Variants in SIRT5 observed in about 807,000 individuals in gnomAD.
SIRT5 encodes the protein sirtuin 5.
Under a neutral mutation model 40.0 loss-of-function variants are expected in SIRT5, and 26 were observed. The ratio of observed to expected loss-of-function variants is 0.65; its 90% CI spans 0.48 to 0.90. The LOEUF is 0.90. Among genes scored for constraint, SIRT5 ranks in the 40% least tolerant of loss-of-function variants. The pLI is 0.00. For missense variants in SIRT5, 401 were observed against 402.4 expected (o/e 1.00, Z 0.03); for synonymous variants, 146 against 149.1 (o/e 0.98, Z 0.15).
chr6:13,611,423 T>G (rs1244608557), intron 9 of SIRT5, among the ~76,000 whole-genome samples: 1 of 151,932 alleles, frequency 6.6e-6, no homozygotes, highest in Admixed American at 6.6e-5. Context: ...TCAATGAGTT[T>G]GGCAGTACAG....
At chr6:13,595,209 T>C (rs1209691714) in intron 5 of SIRT5, among the ~76,000 whole-genome samples, 1 of 152,180 alleles carries the variant, frequency 6.6e-6, no homozygotes, top group East Asian at 1.9e-4. Flanking sequence ...GGTAGGCCCA[T>C]TTGCTAAAAT....
chr6:13,591,785 C>A lies in SIRT5; in HGVS notation c.366C>A (p.Ala122=), dbSNP rs140792341. 2.5e-6 allele frequency: 4 copies of A among 1,614,138 alleles called. No individual in the cohort carries two copies. The highest frequency in any genetic ancestry group is 2.5e-6 in the Non-Finnish European group (3 of 1,180,000). The part of the protein sequence containing the change: ...KEPNAGHRAI[A]ECETRLGKQG... ...CCAACGCCGGGCACCGCGCCATAGC[C>A]GAGTGTGAGACCCGGCTGGGCAAGC... Residue 122 remains alanine (A), a synonymous_variant, in exon 5 of 10, where the codon GCC becomes GCA. Transcript: ENST00000606117.
At chr6:13,576,097 A>G (rs961616490) in intron 1 of SIRT5, among the ~76,000 whole-genome samples, 2 of 152,224 alleles carry the variant, frequency 1.3e-5, no homozygotes, top group African/African-American at 4.8e-5. Flanking sequence ...GTTATTGTGA[A>G]TAATGCTGAA....
At chr6:13,601,025 A>C in intron 9 of SIRT5, 76 bp downstream of exon 9, 1 of 1,092,700 alleles carries the variant, frequency 9.2e-7, no homozygotes, top group Non-Finnish European at 1.3e-6. Flanking sequence ...TAGTTGACCT[A>C]CTCCTCTAAT....
rs1398409528 is a variant in SIRT5, at chr6:13,613,613, GTGGTCCTTTGTGTAGGGAACGGGGATGC to G, written c.*1750_*1777del. The G allele has an allele frequency of 2.6e-5, 4 of 152,226 alleles. No individual in the cohort carries two copies. The highest frequency in any genetic ancestry group is 2.6e-4 in the Admixed American group (4 of 15,288). The allele number at this position is 152,226 out of a possible 1,614,324, so 9.4% of individuals were successfully genotyped here. On this transcript the variant is annotated 3_prime_UTR_variant, in exon 10 of 10. Coordinates refer to ENST00000606117, the MANE Select transcript of SIRT5 (RefSeq NM_012241.5). ...AAGGCATAACCTTTAATAAATCCCA[GTGGTCCTTTGTGTAGGGAACGGGGATGC>G]TCATAGCCTATGGGGCGGCTGGAGA...
intron 7 of SIRT5, 93 bp downstream of exon 7, chr6:13,597,109 C>A (rs762359998): frequency 2.1e-6 from 2 of 968,202 alleles, no homozygotes; most frequent in Non-Finnish European, 3.1e-6. Flanking sequence ...TTTGGCAAGA[C>A]GCCTCTTAAA....
At chr6:13,588,301 C>T (rs1275839263) in intron 3 of SIRT5, 30 bp from the exon 4 acceptor site, 12 of 1,607,542 alleles carry the variant, frequency 7.5e-6, no homozygotes, top group Non-Finnish European at 1.0e-5. Flanking sequence ...AAACTGTACA[C>T]TGGATTGATA....
At chr6:13,579,073 C>A (rs1011392452) in intron 1 of SIRT5, among the ~76,000 whole-genome samples, 13 of 152,218 alleles carry the variant, frequency 8.5e-5, no homozygotes, top group African/African-American at 3.1e-4. Context: ...TGTCACCCTT[C>A]TGACATTGCT....
intron 8 of SIRT5, 28 bp from the exon 9 acceptor site, chr6:13,600,806 T>C (rs777698465): frequency 9.8e-6 from 15 of 1,525,620 alleles, no homozygotes; most frequent in Non-Finnish European, 1.4e-5. Context: ...TCTGGCTGTT[T>C]GTTCATCTCC....
chr6:13,604,569 G>T, intron 9 of SIRT5: 1 of 1,579,810 alleles, frequency 6.3e-7, no homozygotes, highest in South Asian at 1.2e-5. Flanking sequence ...AGAAAAAGAA[G>T]AAAATAAAAC....
intron 9 of SIRT5, among the ~76,000 whole-genome samples, chr6:13,610,477 C>T (rs974256525): frequency 1.1e-4 from 16 of 152,202 alleles, no homozygotes; most frequent in Non-Finnish European, 1.6e-4. Context: ...GTATTCCAGA[C>T]GTCCCTCTAT....
intron 4 of SIRT5, chr6:13,589,532 A>G (rs1760544347): frequency 6.6e-6 from 1 of 152,262 alleles, no homozygotes; most frequent in African/African-American, 2.4e-5. Context: ...GTCATAAATA[A>G]ATACTGCAAT....
intron 5 of SIRT5, among the ~76,000 whole-genome samples, chr6:13,594,525 C>T (rs769573374): frequency 1.1e-4 from 17 of 152,236 alleles, no homozygotes; most frequent in Non-Finnish European, 1.6e-4. Context: ...CCAGCTCAGC[C>T]ACCTGCTCAG....
At chr6:13,599,281 T>G in intron 8 of SIRT5, 126 bp downstream of exon 8, 1 of 987,340 alleles carries the variant, frequency 1.0e-6, no homozygotes, top group Non-Finnish European at 1.4e-6. Context: ...TCCCTCCATT[T>G]CTTCCTTTCC....
intron 3 of SIRT5, among the ~76,000 whole-genome samples, chr6:13,587,748 C>T (rs2841512): frequency 0.89 from 135,751 of 152,250 alleles, 60,637 homozygotes; most frequent in East Asian, 1. Flanking sequence ...GTTTGGCTCT[C>T]ATTTGACTTG....
intron 9 of SIRT5, among the ~76,000 whole-genome samples, chr6:13,611,224 TATATATATATATACACAC>T (rs1377571528): frequency 1.5e-4 from 19 of 130,602 alleles, no homozygotes; most frequent in Middle Eastern, 3.8e-3. Flanking sequence ...TATATATATA[TATATATATATATACACAC>T]ACACATACAC....
At position 13,614,632 on chromosome 6, in the gene SIRT5, T is replaced by C. The variant is rs899459430; in HGVS notation, c.*2767T>C. 3 of 152,272 alleles carry C rather than the reference T, an allele frequency of 2.0e-5. No individual in the cohort carries two copies. The highest frequency in any genetic ancestry group is 7.2e-5 in the African/African-American group (3 of 41,468). 9.4% of individuals were successfully genotyped at this position (152,272 alleles called of 1,614,324 possible). The stretch of plus-strand genomic sequence containing the variant: ...GGCGAAGCCATTCTTTCAGGAGATA[T>C]GCTCAGCATTTGCCACGGGCCAGCT... On this transcript the variant is annotated 3_prime_UTR_variant, in exon 10 of 10. Transcript: ENST00000606117.
At chr6:13,582,773 C>T (rs1759518614) in intron 2 of SIRT5, among the ~76,000 whole-genome samples, 1 of 152,134 alleles carries the variant, frequency 6.6e-6, no homozygotes, top group Non-Finnish European at 1.5e-5. Flanking sequence ...TTATAAAATT[C>T]CTCAGGTATA....
intron 4 of SIRT5, among the ~76,000 whole-genome samples, chr6:13,590,321 C>G (rs566096641): frequency 6.6e-6 from 1 of 152,178 alleles, no homozygotes; most frequent in Non-Finnish European, 1.5e-5. Flanking sequence ...AACCCCTACT[C>G]GGCTCCTTTA....
Sources: allele counts gnomAD v4.1 joint callset (sites outside exome capture counted in the v4.1 genomes callset), GRCh38; gene constraint gnomAD v4.1.1; transcripts MANE v1.5; gene names NCBI Gene and HGNC (gene_info 2026-07-23, HGNC 2026-07-21).